VWA3A: variants seen among roughly 807,000 people sequenced by gnomAD.
VWA3A encodes von Willebrand factor A domain containing 3A.
Under a neutral mutation model 160.4 loss-of-function variants are expected in VWA3A, and 134 were observed. The ratio of observed to expected loss-of-function variants is 0.84; its 90% CI spans 0.73 to 0.96. The LOEUF (loss-of-function observed/expected upper bound fraction) is 0.96. Ranked by LOEUF, VWA3A falls within the 40% of genes least tolerant of loss-of-function variation. The pLI, the probability that VWA3A is intolerant of heterozygous loss-of-function variation, is 0.00. For missense variants in VWA3A, 1,310 were observed against 1,447.9 expected, an observed-to-expected ratio of 0.90 and a Z score of 1.55; for synonymous variants, 476 against 543.4, an observed-to-expected ratio of 0.88 and a Z score of 1.72.
rs2046208352 is a variant in VWA3A, at chr16:22,144,325, T to C, written c.2671T>C (p.Ser891Pro). The change falls in exon 26 of 34, where the codon TCA becomes CCA. Residue 891 changes from serine (S) to proline (P), a missense_variant. By Grantham distance (74) the Ser-to-Pro change is moderately conservative. Transcript: ENST00000389398. The part of the protein sequence containing the change: ...CMGPNCTHQK[S>P]GQRSASAKHC... ...GGGTCCCAACTGCACTCATCAAAAG[T>C]CAGGACAGAGGTCAGCATCCGCCAA... 2 of 1,613,936 alleles carry C rather than the reference T, an allele frequency of 1.2e-6. No homozygotes were observed. The highest frequency in any genetic ancestry group is 1.7e-5 in the Admixed American group (1 of 60,006).
chr16:22,097,755 G>C, intron 3 of VWA3A, 60 bp downstream of exon 3: 9 of 1,540,496 alleles, frequency 5.8e-6, no homozygotes, highest in Non-Finnish European at 7.9e-6. Context: ...AGAATGCACA[G>C]TGTGTTAAAT....
rs750079006 is a variant in VWA3A at position 22,148,148 on chromosome 16, C to G, written c.2840-14C>G. The G allele has an allele frequency of 1.9e-6, 3 of 1,589,522 alleles. No homozygotes were observed. On this transcript the variant is annotated splice_polypyrimidine_tract_variant and intron_variant, in intron 27 of 33. Coordinates refer to ENST00000389398, the MANE Select transcript of VWA3A (RefSeq NM_173615.5). The stretch of plus-strand genomic sequence containing the variant: ...CACTCCCTCCCTGCCTCTTCCCCAC[C>G]TGTCTCGGAGCAGGGAGCCGCCGAC...
chr16:22,100,467 C>T lies in VWA3A; in HGVS notation c.402C>T (p.Ile134=). ...AAATATGTTTCTCCACCCAGATCAT[C>T]CGCCATTTTGAGTCAAAGCTTTCTG... is the stretch of plus-strand genomic sequence containing the variant. ...VQKICFSTQI[I]RHFESKLSDT... Residue 134 remains isoleucine, a synonymous_variant, in exon 5 of 34, where the codon ATC becomes ATT. Transcript: ENST00000389398. 2 of 1,551,610 alleles carry T rather than the reference C, an allele frequency of 1.3e-6. No homozygotes were observed. The highest frequency in any genetic ancestry group is 1.7e-6 in the Non-Finnish European group (2 of 1,146,978).
At position 22,146,357 on chromosome 16, in the gene VWA3A, A is replaced by G; in HGVS notation, c.2839+13A>G. On this transcript the variant is annotated intron_variant, in intron 27 of 33. Transcript: ENST00000389398. ...TGGCTGCTGTCCGGTGAGCCTGCCC[A>G]CTGCCCTGAAGGGTGGAGGAGCATG... 1.2e-6 allele frequency: 2 copies of G among 1,609,332 alleles called. No individual in the cohort carries two copies. The highest frequency in any genetic ancestry group is 1.7e-6 in the Non-Finnish European group (2 of 1,176,948).
At chr16:22,151,603 G>A (rs1420745244) in intron 30 of VWA3A, among the ~76,000 whole-genome samples, 1 of 152,100 alleles carries the variant, frequency 6.6e-6, no homozygotes, top group Non-Finnish European at 1.5e-5. Flanking sequence ...CGGGCACAAT[G>A]GCTCATGCCT....
At chr16:22,138,875 C>T (rs962170106) in intron 22 of VWA3A, among the ~76,000 whole-genome samples, 9 of 152,210 alleles carry the variant, frequency 5.9e-5, no homozygotes, top group East Asian at 1.9e-4. Context: ...GGGCTCTTCC[C>T]GCTGCCACCC....
At chr16:22,127,396 G>A (rs2045869508) in intron 17 of VWA3A, among the ~76,000 whole-genome samples, 1 of 152,078 alleles carries the variant, frequency 6.6e-6, no homozygotes, top group Non-Finnish European at 1.5e-5. Context: ...AAAGTGCTGG[G>A]ATTACAGGCT....
chr16:22,131,807 G>A, intron 19 of VWA3A, 78 bp downstream of exon 19: 1 of 1,509,868 alleles, frequency 6.6e-7, no homozygotes, highest in Non-Finnish European at 8.9e-7. Context: ...CCTTGCCAAG[G>A]TTTCTGCAGC....
intron 22 of VWA3A, among the ~76,000 whole-genome samples, chr16:22,139,192 T>C (rs1283268993): frequency 6.6e-6 from 1 of 152,196 alleles, no homozygotes; most frequent in East Asian, 1.9e-4. Context: ...GGAGAGCCTG[T>C]GCAGCCGGGT....
At position 22,134,350 on chromosome 16, in the gene VWA3A, G is replaced by A. The variant is rs553656869; in HGVS notation, c.2069-18G>A. 22 of 1,586,650 alleles carry A rather than the reference G, an allele frequency of 1.4e-5. No homozygotes were observed. The highest frequency in any genetic ancestry group is 3.3e-4 in the Middle Eastern group (2 of 6,016). On this transcript the variant is annotated intron_variant, in intron 20 of 33. Coordinates refer to ENST00000389398, the MANE Select transcript of VWA3A (RefSeq NM_173615.5). ...CCACACCCTGTCTCACCTTGCTCACGATGTGCTTTGTTTCCAGGCATTTAT... is the reference window on the plus strand; with the variant it reads ...CCACACCCTGTCTCACCTTGCTCACAATGTGCTTTGTTTCCAGGCATTTAT...
chr16:22,119,548 G>A (rs1567205331), intron 12 of VWA3A, among the ~76,000 whole-genome samples: 1 of 152,188 alleles, frequency 6.6e-6, no homozygotes. Flanking sequence ...GCATGTGCCT[G>A]TAGTTCCAGC....
In VWA3A at chr16:22,100,389, T is replaced by G. The variant is rs1241832372; in HGVS notation, c.351-27T>G. The G allele has an allele frequency of 3.2e-6, 5 of 1,551,436 alleles. No individual in the cohort carries two copies. The Admixed American group carries it at 9.8e-5, about 30-fold the overall frequency. On this transcript the variant is annotated intron_variant, in intron 4 of 33. Transcript: ENST00000389398. Reference sequence around the variant, plus strand: ...CATGCAACCCCCTGGGCCCGAGAGATCCCCTCATAAGGCTTTGCTTCTTCA... The same window carrying G: ...CATGCAACCCCCTGGGCCCGAGAGAGCCCCTCATAAGGCTTTGCTTCTTCA...
chr16:22,115,662 T>C (rs2045618644), intron 9 of VWA3A, among the ~76,000 whole-genome samples, 190 bp downstream of exon 9: 1 of 145,748 alleles, frequency 6.9e-6, no homozygotes, highest in Non-Finnish European at 1.5e-5. Context: ...TGAGACCCTA[T>C]CTCTTAAAAA....
intron 22 of VWA3A, among the ~76,000 whole-genome samples, chr16:22,139,455 G>A (rs2046103706): frequency 6.6e-6 from 1 of 152,138 alleles, no homozygotes; most frequent in African/African-American, 2.4e-5. Flanking sequence ...CAGCACTTTG[G>A]GAGGCCAAGG....
Position 22,100,430 on chromosome 16 carries a change from A to T in VWA3A, c.365A>T (p.Asn122Ile). The T allele has an allele frequency of 6.4e-7, 1 of 1,551,684 alleles. No individual in the cohort carries two copies. Among genetic ancestry groups the T allele is most frequent in the Non-Finnish European group, 8.7e-7 (1 of 1,147,002 alleles). ...TGCTTCTTCAGGGAGGAGGGCACCA[A>T]TGTCGTGCAGAAAATATGTTTCTCC... ...QGTEVLEEGT[N>I]VVQKICFSTQ... Residue 122 changes from asparagine to isoleucine, a missense_variant, in exon 5 of 34, where the codon AAT becomes ATT. Asn to Ile is a moderately radical substitution (Grantham distance 149). Coordinates refer to ENST00000389398, the MANE Select transcript of VWA3A (RefSeq NM_173615.5).
chr16:22,151,936 C>T (rs1398141926), intron 30 of VWA3A, among the ~76,000 whole-genome samples: 3 of 152,058 alleles, frequency 2.0e-5, no homozygotes, highest in Non-Finnish European at 2.9e-5. Flanking sequence ...AGGCTGAGCA[C>T]GACGGCTCAT....
At chr16:22,092,718 C>G in intron 1 of VWA3A, 67 bp downstream of exon 1, 1 of 1,538,290 alleles carries the variant, frequency 6.5e-7, no homozygotes, top group Non-Finnish European at 8.8e-7. Flanking sequence ...AGATACTAAG[C>G]TCTGGACTGA....
At chr16:22,139,448 C>A (rs2046103571) in intron 22 of VWA3A, among the ~76,000 whole-genome samples, 1 of 152,166 alleles carries the variant, frequency 6.6e-6, no homozygotes, top group African/African-American at 2.4e-5. Context: ...GTAATCCCAG[C>A]ACTTTGGGAG....
At chr16:22,148,762 C>T (rs1390647395) in intron 28 of VWA3A, among the ~76,000 whole-genome samples, 2 of 151,810 alleles carry the variant, frequency 1.3e-5, no homozygotes, top group African/African-American at 4.8e-5. Flanking sequence ...CAGAGTAAGA[C>T]CCTGTCTCAA....
Sources: allele counts gnomAD v4.1 joint callset (sites outside exome capture counted in the v4.1 genomes callset), GRCh38; gene constraint gnomAD v4.1.1; transcripts MANE v1.5; gene names NCBI Gene and HGNC (gene_info 2026-07-23, HGNC 2026-07-21).